SORCS1: variants seen among roughly 807,000 people sequenced by gnomAD.
SORCS1 encodes VPS10 domain-containing receptor SorCS1.
A neutral mutation model predicts 146.1 loss-of-function variants in SORCS1; 60 were observed. The ratio of observed to expected loss-of-function variants is 0.41; its 90% confidence interval spans 0.33 to 0.51. The LOEUF (loss-of-function observed/expected upper bound fraction) is 0.51. Ranked by LOEUF, SORCS1 falls within the 20% of genes least tolerant of loss-of-function variation. The probability of loss-of-function intolerance (pLI) is 0.21; values close to 1 mark genes in which losing one functional copy is unlikely to be tolerated. For missense variants in SORCS1, 1,352 were observed against 1,487.6 expected, an observed-to-expected ratio of 0.91 and a Z score of 1.50; for synonymous variants, 637 against 584.0, an observed-to-expected ratio of 1.09 and a Z score of -1.31.
At chr10:106,901,285 GT>G (rs902589891) in intron 2 of SORCS1, among the ~76,000 whole-genome samples, 18 of 152,196 alleles carry the variant, frequency 1.2e-4, no homozygotes, top group African/African-American at 4.1e-4. Flanking sequence ...CATTTCTATA[GT>G]TTTTTTTATT....
intron 4 of SORCS1, among the ~76,000 whole-genome samples, chr10:106,763,149 T>C (rs139239379): frequency 6.6e-6 from 1 of 152,288 alleles, no homozygotes; most frequent in East Asian, 1.9e-4. Flanking sequence ...TTCAAAATAA[T>C]AATATGTCTG....
At chr10:106,787,319 T>G (rs1054121917) in intron 3 of SORCS1, among the ~76,000 whole-genome samples, 1 of 152,154 alleles carries the variant, frequency 6.6e-6, no homozygotes, top group African/African-American at 2.4e-5. Flanking sequence ...AAAATAAACC[T>G]AATGATTTTC....
At chr10:106,813,559 A>G (rs554233554) in intron 3 of SORCS1, among the ~76,000 whole-genome samples, 8 of 152,286 alleles carry the variant, frequency 5.3e-5, no homozygotes, top group Admixed American at 3.9e-4. Flanking sequence ...AGAACAAGAA[A>G]TATTGTCTTG....
At chr10:106,598,964 C>A (rs2133327545) in intron 23 of SORCS1, among the ~76,000 whole-genome samples, 1 of 152,210 alleles carries the variant, frequency 6.6e-6, no homozygotes, top group African/African-American at 2.4e-5. Flanking sequence ...TGTCATTTAG[C>A]AAACAATGCA....
Position 106,973,668 on chromosome 10 carries a change from C to G in SORCS1, c.559-17088G>C, listed in dbSNP as rs967869876. 3.9e-5 allele frequency among the ~76,000 whole-genome samples: 6 copies of G among 152,292 alleles called. No individual in the cohort carries two copies. The East Asian group carries it at 1.2e-3, about 29-fold the overall frequency. ...AAATTGAACCTCTCCTTTAGGTTTC[C>G]TTCCATTTTTTTCCCCCTTAAATCG... is the stretch of plus-strand genomic sequence containing the variant. On this transcript the variant is annotated intron_variant, in intron 1 of 25. Transcript: ENST00000263054.
At chr10:107,118,305 A>AG (rs1413626548) in intron 1 of SORCS1, among the ~76,000 whole-genome samples, 1 of 152,212 alleles carries the variant, frequency 6.6e-6, no homozygotes, top group Admixed American at 6.5e-5. Flanking sequence ...CAAAACTGTG[A>AG]GAAATAAATT....
intron 1 of SORCS1, among the ~76,000 whole-genome samples, chr10:107,118,597 C>G (rs530511429): frequency 1.6e-4 from 24 of 152,230 alleles, no homozygotes; most frequent in African/African-American, 5.8e-4. Flanking sequence ...CAAAAAATTA[C>G]ATAAAAGGAT....
At chr10:106,868,956 A>G (rs1449462465) in intron 2 of SORCS1, among the ~76,000 whole-genome samples, 11 of 152,172 alleles carry the variant, frequency 7.2e-5, no homozygotes, top group Admixed American at 7.2e-4. Context: ...CGACTAATAA[A>G]GATGAAAGGA....
chr10:107,136,573 A>G (rs10884420), intron 1 of SORCS1, among the ~76,000 whole-genome samples: 32,323 of 152,122 alleles, frequency 0.21, 4,090 homozygotes, highest in African/African-American at 0.35. Context: ...GGTAAGTGAG[A>G]GGCCGAATTA....
At chr10:106,988,363 T>A (rs1176484011) in intron 1 of SORCS1, among the ~76,000 whole-genome samples, 2 of 152,078 alleles carry the variant, frequency 1.3e-5, no homozygotes, top group Admixed American at 6.5e-5. Context: ...GGATGAAAAA[T>A]ATATTATCTC....
intron 1 of SORCS1, among the ~76,000 whole-genome samples, chr10:107,014,338 T>C (rs1208711665): frequency 6.7e-6 from 1 of 150,350 alleles, no homozygotes; most frequent in East Asian, 2.0e-4. Context: ...GAAGAAAACA[T>C]CTTCCAGCTT....
At chr10:106,850,672 G>C (rs1265034833) in intron 2 of SORCS1, among the ~76,000 whole-genome samples, 1 of 152,100 alleles carries the variant, frequency 6.6e-6, no homozygotes, top group Non-Finnish European at 1.5e-5. Flanking sequence ...GCCTCTATTT[G>C]GTAAGGTCTC....
intron 2 of SORCS1, among the ~76,000 whole-genome samples, chr10:106,917,493 C>A (rs903394340): frequency 2.0e-5 from 3 of 152,120 alleles, no homozygotes; most frequent in African/African-American, 7.2e-5. Flanking sequence ...TGGTACTAAA[C>A]CCACAGTTAG....
intron 16 of SORCS1, among the ~76,000 whole-genome samples, chr10:106,670,585 C>A (rs1444049685): frequency 6.6e-6 from 1 of 152,116 alleles, no homozygotes; most frequent in Non-Finnish European, 1.5e-5. Context: ...TACAGGAAAT[C>A]CTAGATTCTA....
intron 1 of SORCS1, among the ~76,000 whole-genome samples, chr10:107,022,898 C>T (rs1444869171): frequency 2.6e-5 from 4 of 152,172 alleles, no homozygotes; most frequent in African/African-American, 9.7e-5. Flanking sequence ...CTGGGTAATC[C>T]TCCCTCTGCT....
At chr10:106,598,211 T>A (rs987897709) in intron 23 of SORCS1, among the ~76,000 whole-genome samples, 1 of 150,236 alleles carries the variant, frequency 6.7e-6, no homozygotes. Flanking sequence ...TTCTGAAAAG[T>A]TACGGGGATA....
chr10:106,830,997 A>T (rs890292951), intron 2 of SORCS1, among the ~76,000 whole-genome samples: 5 of 152,170 alleles, frequency 3.3e-5, no homozygotes, highest in Non-Finnish European at 5.9e-5. Context: ...GTTTGAGACC[A>T]GCCTGGCCAA....
chr10:106,735,782 A>C (rs1856904483), intron 5 of SORCS1, among the ~76,000 whole-genome samples: 1 of 152,216 alleles, frequency 6.6e-6, no homozygotes, highest in Non-Finnish European at 1.5e-5. Flanking sequence ...CCTAAAAGCC[A>C]TGAGATGGTG....
chr10:106,709,262 T>C lies in SORCS1; in HGVS notation c.1104A>G (p.Pro368=). 1 of 1,613,786 alleles carries C rather than the reference T, an allele frequency of 6.2e-7. No individual in the cohort carries two copies. The change falls in exon 7 of 26, where the codon CCA becomes CCG. Residue 368 remains proline, a synonymous_variant. Transcript: ENST00000263054. ...RNQPFPGYID[P]DSLIVQDHYV... Reference sequence around the variant, plus strand: ...AATGATCCTGAACAATCAAAGAGTCTGGGTCAATGTAGCCTGGAAAAGGCT... The same window carrying C: ...AATGATCCTGAACAATCAAAGAGTCCGGGTCAATGTAGCCTGGAAAAGGCT...
Sources: gnomAD v4.1 joint callset for allele counts (sites outside exome capture counted in the v4.1 genomes callset) on GRCh38, gnomAD v4.1.1 for gene constraint, MANE v1.5 for transcripts, NCBI Gene and HGNC (gene_info 2026-07-23, HGNC 2026-07-21) for gene names.